Variants in HS6ST3 observed in about 807,000 individuals in gnomAD.
HS6ST3 encodes heparan sulfate 6-O-sulfotransferase 3, also known as heparan-sulfate 6-O-sulfotransferase 3.
HS6ST3 carries 12 observed loss-of-function variants against 36.7 expected under a neutral mutation model. The ratio of observed to expected loss-of-function variants is 0.33; its 90% CI spans 0.21 to 0.53. HS6ST3 has a LOEUF of 0.53. Ranked by LOEUF, HS6ST3 falls within the 20% of genes least tolerant of loss-of-function variation. HS6ST3 has a pLI of 0.95. For missense variants in HS6ST3, 584 were observed against 640.9 expected (o/e 0.91, Z 0.96); for synonymous variants, 240 against 257.5 (o/e 0.93, Z 0.65).
At chr13:96,282,263 G>A (rs1210287447) in intron 1 of HS6ST3, among the ~76,000 whole-genome samples, 2 of 152,204 alleles carry the variant, frequency 1.3e-5, no homozygotes, top group African/African-American at 2.4e-5. Context: ...GAAAGAGAGA[G>A]AAGTCAGTAG....
At chr13:96,618,893 G>A (rs1191722129) in intron 1 of HS6ST3, among the ~76,000 whole-genome samples, 1 of 152,090 alleles carries the variant, frequency 6.6e-6, no homozygotes, top group Non-Finnish European at 1.5e-5. Context: ...TGCCAAGGGG[G>A]TTAATCTCTC....
chr13:96,325,001 A>G (rs2139417014), intron 1 of HS6ST3, among the ~76,000 whole-genome samples: 1 of 152,270 alleles, frequency 6.6e-6, no homozygotes, highest in Admixed American at 6.5e-5. Context: ...AGGATGGACA[A>G]TTTGTTTAAA....
chr13:96,477,994 G>A (rs1042554628), intron 1 of HS6ST3, among the ~76,000 whole-genome samples: 1 of 151,960 alleles, frequency 6.6e-6, no homozygotes, highest in African/African-American at 2.4e-5. Context: ...TTTTGCCTGG[G>A]TATCCATAAA....
chr13:96,267,094 C>A (rs1390755991), intron 1 of HS6ST3, among the ~76,000 whole-genome samples: 1 of 152,174 alleles, frequency 6.6e-6, no homozygotes, highest in African/African-American at 2.4e-5. Context: ...ATAAGTCTCA[C>A]AAGATCTGAT....
At chr13:96,811,137 T>C (rs1418185530) in intron 1 of HS6ST3, among the ~76,000 whole-genome samples, 12 of 152,192 alleles carry the variant, frequency 7.9e-5, no homozygotes, top group Non-Finnish European at 1.5e-5. Flanking sequence ...ACATTTTTAC[T>C]GATGTAAAAC....
At chr13:96,222,158 C>G (rs899138693) in intron 1 of HS6ST3, among the ~76,000 whole-genome samples, 1 of 152,100 alleles carries the variant, frequency 6.6e-6, no homozygotes, top group Admixed American at 6.5e-5. Flanking sequence ...CTTCATAAGA[C>G]AGTCTAGAGA....
chr13:96,096,755 G>A (rs1268940565), intron 1 of HS6ST3, among the ~76,000 whole-genome samples: 1 of 152,132 alleles, frequency 6.6e-6, no homozygotes, highest in Non-Finnish European at 1.5e-5. Flanking sequence ...ACATTGTCTG[G>A]TTATTGCTTT....
intron 1 of HS6ST3, among the ~76,000 whole-genome samples, chr13:96,131,971 T>A (rs2053978100): frequency 6.6e-6 from 1 of 152,138 alleles, no homozygotes; most frequent in South Asian, 2.1e-4. Context: ...CTGAGTTCAA[T>A]TTTTTTAGAT....
In HS6ST3 at chr13:96,713,608, T is replaced by A. The variant is rs565931504; in HGVS notation, c.708-118882T>A. Among the ~76,000 whole-genome samples, 3 of 152,298 alleles carry A rather than the reference T, an allele frequency of 2.0e-5. No homozygotes were observed. The South Asian group carries it at 6.2e-4, about 32-fold the overall frequency. ...TTAAATAAAATATATTTTCAAGGCA[T>A]GTGCATTCAACAATTTTGTGACTAT... On this transcript the variant is annotated intron_variant, in intron 1 of 1. Transcript: ENST00000376705.
chr13:96,095,862 T>TC (rs2053787689), intron 1 of HS6ST3, among the ~76,000 whole-genome samples: 1 of 66,620 alleles, frequency 1.5e-5, no homozygotes, highest in Admixed American at 2.0e-4. Context: ...TTTATATGAC[T>TC]GGTGTGTGTG....
At chr13:96,692,735 G>A (rs961355655) in intron 1 of HS6ST3, among the ~76,000 whole-genome samples, 2 of 151,938 alleles carry the variant, frequency 1.3e-5, no homozygotes, top group Non-Finnish European at 2.9e-5. Context: ...GTTCAAATTT[G>A]TAAACAAAAA....
intron 1 of HS6ST3, among the ~76,000 whole-genome samples, chr13:96,420,170 AC>A (rs1183281334): frequency 3.9e-5 from 6 of 152,148 alleles, no homozygotes; most frequent in Non-Finnish European, 8.8e-5. Flanking sequence ...GCCTGTGCTG[AC>A]ACTTTGTGTT....
At chr13:96,691,125 A>G (rs1388316017) in intron 1 of HS6ST3, among the ~76,000 whole-genome samples, 1 of 152,116 alleles carries the variant, frequency 6.6e-6, no homozygotes, top group Admixed American at 6.6e-5. Flanking sequence ...ACATCTCAGC[A>G]AAATGTTTAT....
intron 1 of HS6ST3, among the ~76,000 whole-genome samples, chr13:96,137,513 A>C (rs1439860065): frequency 6.7e-6 from 1 of 149,906 alleles, no homozygotes; most frequent in African/African-American, 2.5e-5. Context: ...AGCTCACTGC[A>C]ACCTCTGCCT....
intron 1 of HS6ST3, among the ~76,000 whole-genome samples, chr13:96,476,602 T>C (rs1376685406): frequency 1.3e-5 from 2 of 152,094 alleles, no homozygotes; most frequent in African/African-American, 2.4e-5. Flanking sequence ...ACCTCGTGAT[T>C]GGCCAGCCTC....
intron 1 of HS6ST3, among the ~76,000 whole-genome samples, chr13:96,680,739 C>G (rs958103465): frequency 9.2e-5 from 14 of 152,300 alleles, no homozygotes; most frequent in African/African-American, 3.4e-4. Context: ...TCCCTTCTAG[C>G]CATGGACACA....
intron 1 of HS6ST3, among the ~76,000 whole-genome samples, chr13:96,663,420 A>G (rs1374811810): frequency 6.6e-6 from 1 of 152,196 alleles, no homozygotes; most frequent in Non-Finnish European, 1.5e-5. Context: ...ATCATGAGTC[A>G]TTAGGGAATG....
chr13:96,756,945 A>G (rs949620981), intron 1 of HS6ST3, among the ~76,000 whole-genome samples: 32 of 152,138 alleles, frequency 2.1e-4, no homozygotes, highest in Admixed American at 1.3e-3. Context: ...TACAGTTTAT[A>G]TGGGTTGGAG....
intron 1 of HS6ST3, among the ~76,000 whole-genome samples, chr13:96,218,648 T>G (rs1160542148): frequency 6.6e-6 from 1 of 152,056 alleles, no homozygotes; most frequent in African/African-American, 2.4e-5. Flanking sequence ...ACACGTGTCA[T>G]GGTCTGGCTA....
Sources: gnomAD v4.1 joint callset for allele counts (sites outside exome capture counted in the v4.1 genomes callset) on GRCh38, gnomAD v4.1.1 for gene constraint, MANE v1.5 for transcripts, NCBI Gene and HGNC (gene_info 2026-07-23, HGNC 2026-07-21) for gene names.